The following ATXN1 variants were observed in gnomAD, a reference collection of about 807,000 sequenced individuals.
ATXN1 encodes ataxin-1.
A neutral mutation model predicts 56.4 loss-of-function variants in ATXN1; 8 were observed. The ratio of observed to expected loss-of-function variants is 0.14; its 90% CI spans 0.08 to 0.26. The LOEUF (loss-of-function observed/expected upper bound fraction) is 0.26. Among genes scored for constraint, ATXN1 ranks in the 10% least tolerant of loss-of-function variants. The pLI is 1.00. For synonymous variants in ATXN1, 514 were observed against 494.6 expected, an observed-to-expected ratio of 1.04 and a Z score of -0.52; for missense variants, 987 against 1,106.5, an observed-to-expected ratio of 0.89 and a Z score of 1.53.
In ATXN1 at chr6:16,328,875, C is replaced by T. The variant is rs900493911; in HGVS notation, c.-160-405G>A. Among the ~76,000 whole-genome samples, 3 of 152,058 alleles carry T rather than the reference C, an allele frequency of 2.0e-5. No individual in the cohort carries two copies. The highest frequency in any genetic ancestry group is 6.5e-5 in the Admixed American group (1 of 15,274). On this transcript the variant is annotated intron_variant, in intron 6 of 7. Transcript: ENST00000436367. This position sits in a 1 kb window ranked among gnomAD's most constrained non-coding sequence, Gnocchi z 6.2. ...CCAGGAGGCAGAGGTTGCAGTGAGC[C>T]GAGATTGCACCATTGTACTCCAGCC...
chr6:16,587,930 T>TA lies in ATXN1; in HGVS notation c.-488-2024dup, dbSNP rs774400213. On this transcript the variant is annotated intron_variant, in intron 3 of 7. Coordinates refer to ENST00000436367, the MANE Select transcript of ATXN1 (RefSeq NM_001128164.2). Reference sequence around the variant, plus strand: ...TGGGCATCAACAGCGGAACTCTGTCTAAAAAAAAAAAAAAAGAAAATTCCT... The same window carrying TA: ...TGGGCATCAACAGCGGAACTCTGTCTAAAAAAAAAAAAAAAAGAAAATTCCT... Among the ~76,000 whole-genome samples, 339 of 128,794 alleles carry TA rather than the reference T, an allele frequency of 2.6e-3. 1 individual carries two copies. The highest frequency in any genetic ancestry group is 8.3e-3 in the Middle Eastern group (2 of 242). The allele number at this position is 128,794 out of a possible 152,430, so 84.5% of individuals were successfully genotyped here. A position where few individuals can be genotyped will look rare whatever the true frequency, so the allele number is the denominator to read the frequency against.
intron 1 of ATXN1, among the ~76,000 whole-genome samples, chr6:16,757,795 T>C (rs1189016863): frequency 8.7e-6 from 1 of 114,986 alleles, no homozygotes; most frequent in East Asian, 2.9e-4. Flanking sequence ...TTGGATTGCC[T>C]GAGCAGCACA....
chr6:16,594,363 C>T (rs1001863476), intron 3 of ATXN1, among the ~76,000 whole-genome samples: 3 of 151,948 alleles, frequency 2.0e-5, no homozygotes, highest in South Asian at 2.1e-4. Flanking sequence ...ACCTACACTC[C>T]CACCAGCAGT....
chr6:16,731,483 T>TTTTTTTTTTTTTTTTA (rs1561827000), intron 2 of ATXN1, among the ~76,000 whole-genome samples: 1 of 122,794 alleles, frequency 8.1e-6, no homozygotes, highest in Non-Finnish European at 1.7e-5. Context: ...TTTTTTTTTT[T>TTTTTTTTTTTTTTTTA]AATAAAAACG....
chr6:16,535,406 C>T (rs763061267), intron 4 of ATXN1, among the ~76,000 whole-genome samples: 12 of 152,120 alleles, frequency 7.9e-5, no homozygotes, highest in Non-Finnish European at 1.8e-4. Context: ...CAATACCCCA[C>T]AGTGATGGGG....
At chr6:16,426,644 A>G (rs1043314853) in intron 6 of ATXN1, among the ~76,000 whole-genome samples, 1 of 151,742 alleles carries the variant, frequency 6.6e-6, no homozygotes, top group Non-Finnish European at 1.5e-5. Context: ...AGAGGCAGAG[A>G]GAAGGATGGA....
At chr6:16,602,580 TAGCTGGGACTACAGG>T (rs1393928843) in intron 3 of ATXN1, among the ~76,000 whole-genome samples, 1 of 152,044 alleles carries the variant, frequency 6.6e-6, no homozygotes, top group African/African-American at 2.4e-5. Context: ...GCCTCCCAAG[TAGCTGGGACTACAGG>T]CGCAGGCCAC....
At chr6:16,692,496 T>C (rs539649405) in intron 2 of ATXN1, among the ~76,000 whole-genome samples, 4 of 152,234 alleles carry the variant, frequency 2.6e-5, no homozygotes, top group African/African-American at 9.6e-5. Flanking sequence ...TCAAAAGATT[T>C]GTCTATTTTA....
In ATXN1 at chr6:16,412,181, C is replaced by T. The variant is rs146550970; in HGVS notation, c.-161+73791G>A. ...ATATGAACCCTGTCAATAGGAGAAA[C>T]CTTTCTAAAAGCCTTCTTCTTTGTT... On this transcript the variant is annotated intron_variant, in intron 6 of 7. Coordinates refer to ENST00000436367, the MANE Select transcript of ATXN1 (RefSeq NM_001128164.2). 1.2e-4 allele frequency among the ~76,000 whole-genome samples: 19 copies of T among 152,146 alleles called. No individual in the cohort carries two copies. In the South Asian group the frequency reaches 1.5e-3, roughly 12 times the overall value.
intron 3 of ATXN1, among the ~76,000 whole-genome samples, chr6:16,654,255 A>G (rs959232637): frequency 3.4e-4 from 52 of 152,096 alleles, no homozygotes; most frequent in African/African-American, 1.1e-3. Flanking sequence ...ATAAAGAGAG[A>G]CTGCTCAGGG....
rs756943419 is a variant in ATXN1 at position 16,326,526 on chromosome 6, T to G, written c.1785A>C (p.Thr595=). The change falls in exon 7 of 8, where the codon ACA becomes ACC. Residue 595 remains threonine, a synonymous_variant. Transcript: ENST00000436367. This position sits in a 1 kb window ranked among gnomAD's most constrained non-coding sequence, Gnocchi z 6.6. The part of the protein sequence containing the change: ...GELKKVEDLK[T]EDFIQSAEIS... ...TCTCTGCACTCTGGATGAAATCTTC[T>G]GTTTTTAAGTCTTCCACCTTCTTTA... The G allele has an allele frequency of 3.7e-6, 6 of 1,614,104 alleles. No individual in the cohort carries two copies. The East Asian group carries it at 1.3e-4, about 36-fold the overall frequency.
chr6:16,593,217 A>T lies in ATXN1; in HGVS notation c.-488-7310T>A, dbSNP rs575860620. On this transcript the variant is annotated intron_variant, in intron 3 of 7. Transcript: ENST00000436367. The stretch of plus-strand genomic sequence containing the variant: ...GAAGTCCAGCTGGCTTCACCTCTCA[A>T]TTCCACTCAGTAGTTACTGTCAGCC... Among the ~76,000 whole-genome samples, 45 of 152,244 alleles carry T rather than the reference A, an allele frequency of 3.0e-4. 1 individual carries two copies. In the South Asian group the frequency reaches 6.4e-3, roughly 22 times the overall value.
chr6:16,443,857 C>CT (rs1759573374), intron 6 of ATXN1, among the ~76,000 whole-genome samples: 1 of 152,194 alleles, frequency 6.6e-6, no homozygotes, highest in Non-Finnish European at 1.5e-5. Flanking sequence ...TGGCTCATGC[C>CT]TGTAATCCCA....
intron 4 of ATXN1, among the ~76,000 whole-genome samples, chr6:16,539,836 C>A (rs1202937481): frequency 1.3e-5 from 2 of 152,112 alleles, no homozygotes; most frequent in South Asian, 2.1e-4. Context: ...CAAGGGGGCA[C>A]CCTGCATGCA....
chr6:16,739,635 C>T (rs796333676), intron 2 of ATXN1: 2 of 323,858 alleles, frequency 6.2e-6, no homozygotes, highest in South Asian at 2.3e-5. Context: ...CATTTAACAT[C>T]GTCCTGGCCA....
At chr6:16,668,825 T>C (rs1012019078) in intron 2 of ATXN1, among the ~76,000 whole-genome samples, 1 of 152,018 alleles carries the variant, frequency 6.6e-6, no homozygotes, top group African/African-American at 2.4e-5. Flanking sequence ...TTATTTTATT[T>C]TGAGATAGGG....
At chr6:16,480,176 A>AAT (rs1561718216) in intron 6 of ATXN1, among the ~76,000 whole-genome samples, 7 of 148,582 alleles carry the variant, frequency 4.7e-5, no homozygotes, top group East Asian at 2.0e-4. Context: ...AAAAAAAAAA[A>AAT]ATATCTAAAA....
chr6:16,505,326 T>A (rs1183167398), intron 5 of ATXN1, among the ~76,000 whole-genome samples: 1 of 152,148 alleles, frequency 6.6e-6, no homozygotes, highest in East Asian at 1.9e-4. Context: ...TTTCTGTTAC[T>A]CAGAAATAAG....
chr6:16,759,079 C>A lies in ATXN1; in HGVS notation c.-730+2219G>T, dbSNP rs189857144. ...CTAGGAACTGCAGCCTCCTAAAAAA[C>A]CCAAACAGAAATGTCTCAGCTAACA... On this transcript the variant is annotated intron_variant, in intron 1 of 7. Transcript: ENST00000436367. 3.9e-5 allele frequency among the ~76,000 whole-genome samples: 6 copies of A among 152,320 alleles called. No individual in the cohort carries two copies. In the East Asian group the frequency reaches 1.2e-3, roughly 29 times the overall value.
Sources: gnomAD v4.1 joint callset for allele counts (sites outside exome capture counted in the v4.1 genomes callset) on GRCh38, gnomAD v4.1.1 for gene constraint, Gnocchi (gnomAD v3.1) non-coding constraint, MANE v1.5 for transcripts, NCBI Gene and HGNC (gene_info 2026-07-23, HGNC 2026-07-21) for gene names.